The following FSTL5 variants were observed in gnomAD, a reference collection of about 807,000 sequenced individuals.
FSTL5 encodes follistatin-related protein 5.
In FSTL5, 62 loss-of-function variants were observed where a neutral mutation model predicts 89.1. That is an observed-to-expected ratio of 0.70 (90% CI 0.57 to 0.86). FSTL5 has a LOEUF of 0.86. Among genes scored for constraint, FSTL5 ranks in the 40% least tolerant of loss-of-function variants. The pLI, the probability that FSTL5 is intolerant of heterozygous loss-of-function variation, is 0.00. For synonymous variants in FSTL5, 383 were observed against 346.2 expected (o/e 1.11, Z -1.18); for missense variants, 1,057 against 1,001.6 (o/e 1.06, Z -0.75).
intron 6 of FSTL5, among the ~76,000 whole-genome samples, chr4:161,723,452 A>G (rs1739285241): frequency 6.6e-6 from 1 of 152,222 alleles, no homozygotes; most frequent in Non-Finnish European, 1.5e-5. Context: ...ACTGAACAGA[A>G]TATTAGGCAG....
intron 1 of FSTL5, among the ~76,000 whole-genome samples, chr4:162,159,579 CCA>C (rs1433826512): frequency 5.9e-5 from 9 of 151,908 alleles, no homozygotes; most frequent in African/African-American, 2.2e-4. Context: ...TCTTATTTTA[CCA>C]CATTTATGTG....
intron 7 of FSTL5, among the ~76,000 whole-genome samples, chr4:161,600,060 A>G (rs1368305512): frequency 6.6e-6 from 1 of 151,882 alleles, no homozygotes; most frequent in Non-Finnish European, 1.5e-5. Flanking sequence ...ACAAAATTCA[A>G]AACTAGGTCA....
chr4:161,887,816 G>T (rs1264273745), intron 4 of FSTL5, among the ~76,000 whole-genome samples: 1 of 152,116 alleles, frequency 6.6e-6, no homozygotes, highest in Admixed American at 6.6e-5. Flanking sequence ...ATAGGAAAAT[G>T]CTCAAACCTA....
chr4:161,552,084 T>C (rs1398976251), intron 8 of FSTL5, among the ~76,000 whole-genome samples: 2 of 151,854 alleles, frequency 1.3e-5, no homozygotes, highest in Non-Finnish European at 2.9e-5. Context: ...TGCAACCTAC[T>C]CATCTAATAA....
intron 5 of FSTL5, among the ~76,000 whole-genome samples, chr4:161,771,287 G>A (rs192510611): frequency 1.5e-3 from 235 of 152,056 alleles, no homozygotes; most frequent in African/African-American, 3.3e-3. Flanking sequence ...GAAAGTGTAC[G>A]TATAAGTAAC....
intron 13 of FSTL5, among the ~76,000 whole-genome samples, chr4:161,469,298 G>A (rs1733853485): frequency 6.6e-6 from 1 of 152,002 alleles, no homozygotes; most frequent in Non-Finnish European, 1.5e-5. Context: ...CATTTATAAA[G>A]CATATTTTAT....
intron 6 of FSTL5, among the ~76,000 whole-genome samples, chr4:161,664,077 C>G (rs547137656): frequency 6.6e-6 from 1 of 152,204 alleles, no homozygotes; most frequent in African/African-American, 2.4e-5. Flanking sequence ...GGGCCTGGCA[C>G]AGGAAACCAC....
chr4:161,456,309 A>G (rs1733349099), intron 14 of FSTL5, among the ~76,000 whole-genome samples: 1 of 152,236 alleles, frequency 6.6e-6, no homozygotes, highest in South Asian at 2.1e-4. Context: ...TAAATAAATT[A>G]TGATAAATCC....
intron 4 of FSTL5, among the ~76,000 whole-genome samples, chr4:161,843,885 G>C (rs1416281115): frequency 2.0e-5 from 3 of 152,066 alleles, no homozygotes; most frequent in Non-Finnish European, 4.4e-5. Flanking sequence ...ACAGGCACTG[G>C]CAAAGACTTC....
At chr4:161,960,289 T>C (rs1204361897) in intron 3 of FSTL5, among the ~76,000 whole-genome samples, 1 of 151,168 alleles carries the variant, frequency 6.6e-6, no homozygotes, top group Non-Finnish European at 1.5e-5. Context: ...GCCTCAGTCT[T>C]CCAAGTAGCT....
chr4:161,595,902 T>C (rs1026480621), intron 7 of FSTL5, among the ~76,000 whole-genome samples: 6 of 147,894 alleles, frequency 4.1e-5, no homozygotes, highest in Admixed American at 3.4e-4. Flanking sequence ...CAATATTATT[T>C]GCACTTTAAA....
chr4:161,494,317 T>C (rs574687523), intron 12 of FSTL5, among the ~76,000 whole-genome samples: 1 of 152,236 alleles, frequency 6.6e-6, no homozygotes, highest in East Asian at 1.9e-4. Context: ...ATTCAAAAGG[T>C]TACTCACTGG....
intron 4 of FSTL5, among the ~76,000 whole-genome samples, chr4:161,902,619 G>A (rs1041530948): frequency 3.3e-5 from 5 of 152,038 alleles, no homozygotes; most frequent in Admixed American, 3.3e-4. Context: ...AGGCCGAGGC[G>A]GGAGGATCAT....
At chr4:161,657,102 C>A (rs1467151630) in intron 6 of FSTL5, among the ~76,000 whole-genome samples, 2 of 152,152 alleles carry the variant, frequency 1.3e-5, no homozygotes, top group Non-Finnish European at 2.9e-5. Flanking sequence ...TTTTAACTAA[C>A]CAGTGTGCAT....
At chr4:161,764,788 A>G (rs1740933953) in intron 5 of FSTL5, among the ~76,000 whole-genome samples, 1 of 152,170 alleles carries the variant, frequency 6.6e-6, no homozygotes, top group South Asian at 2.1e-4. Context: ...ATGAATACTA[A>G]GTTTTTAAAT....
At chr4:162,116,382 A>C (rs2111420571) in intron 1 of FSTL5, among the ~76,000 whole-genome samples, 1 of 152,344 alleles carries the variant, frequency 6.6e-6, no homozygotes, top group Admixed American at 6.5e-5. Context: ...CTTCGCATGT[A>C]CCGTTAGCAT....
chr4:162,163,464 A>G (rs879725154), intron 1 of FSTL5, among the ~76,000 whole-genome samples, 151 bp downstream of exon 1: 1 of 137,270 alleles, frequency 7.3e-6, no homozygotes, highest in African/African-American at 2.6e-5. Flanking sequence ...AATAATAATA[A>G]TAATAGTAAT....
At chr4:161,719,912 T>C (rs1739134105) in intron 6 of FSTL5, among the ~76,000 whole-genome samples, 1 of 152,118 alleles carries the variant, frequency 6.6e-6, no homozygotes, top group African/African-American at 2.4e-5. Context: ...TCAAAATGGG[T>C]TGAAAGACTT....
At chr4:161,570,292 T>G (rs1295530626) in intron 8 of FSTL5, among the ~76,000 whole-genome samples, 1 of 152,098 alleles carries the variant, frequency 6.6e-6, no homozygotes, top group Non-Finnish European at 1.5e-5. Flanking sequence ...TAAGCAGAGT[T>G]GAAAGAGTTT....
Sources: allele counts gnomAD v4.1 joint callset (sites outside exome capture counted in the v4.1 genomes callset), GRCh38; gene constraint gnomAD v4.1.1; transcripts MANE v1.5; gene names NCBI Gene and HGNC (gene_info 2026-07-23, HGNC 2026-07-21).